Variants in ABR observed in about 807,000 individuals in gnomAD.
ABR encodes ABR activator of RhoGEF and GTPase.
A neutral mutation model predicts 107.2 loss-of-function variants in ABR; 35 were observed. That is an observed-to-expected ratio of 0.33 (90% CI 0.25 to 0.43). The LOEUF is 0.43. ABR is among the 20% of genes least tolerant of loss of function. ABR has a pLI of 1.00. For missense variants in ABR, 815 were observed against 1,115.2 expected (o/e 0.73, Z 3.83); for synonymous variants, 498 against 462.0 (o/e 1.08, Z -1.00).
intron 3 of ABR, among the ~76,000 whole-genome samples, chr17:1,097,332 T>C (rs1036515990): frequency 2.0e-5 from 3 of 152,186 alleles, no homozygotes; most frequent in African/African-American, 7.2e-5. Flanking sequence ...GGCTCACATC[T>C]GTAATCCCAG....
intron 16 of ABR, among the ~76,000 whole-genome samples, chr17:1,038,932 C>T (rs1427369797): frequency 6.6e-6 from 1 of 152,228 alleles, no homozygotes; most frequent in African/African-American, 2.4e-5. Context: ...GGGAGGTTAG[C>T]GGCTCACGGG....
chr17:1,094,530 C>A (rs975303078), intron 3 of ABR, among the ~76,000 whole-genome samples: 1 of 152,084 alleles, frequency 6.6e-6, no homozygotes, highest in African/African-American at 2.4e-5. Flanking sequence ...ACCACCCCGC[C>A]CAGCTAGTTT....
chr17:1,111,950 C>CT lies in ABR; in HGVS notation c.247-11216dup, dbSNP rs567032480. Among the ~76,000 whole-genome samples, 101 of 152,364 alleles carry CT rather than the reference C, an allele frequency of 6.6e-4. No homozygotes were observed. The Middle Eastern group carries it at 0.024, about 36-fold the overall frequency. The stretch of plus-strand genomic sequence containing the variant: ...AGGACCCTTCCTCCTTCTGAAACAG[C>CT]TTCCCCTTCCGGGTTTCCACTTCTG... On this transcript the variant is annotated intron_variant, in intron 2 of 22. Coordinates refer to ENST00000302538, the MANE Select transcript of ABR (RefSeq NM_021962.5).
intron 16 of ABR, among the ~76,000 whole-genome samples, chr17:1,029,847 G>A (rs952330373): frequency 2.7e-5 from 4 of 149,846 alleles, no homozygotes; most frequent in Admixed American, 6.7e-5. Flanking sequence ...TGTGGCAGAC[G>A]TCCCTCCGTC....
chr17:1,212,437 GA>G (rs145737401), intron 1 of ABR, among the ~76,000 whole-genome samples: 3 of 148,626 alleles, frequency 2.0e-5, no homozygotes, highest in East Asian at 2.0e-4. Flanking sequence ...TCTCAAAAGA[GA>G]AAAAAAAACA....
rs963220554 is a variant in ABR, at chr17:1,010,315, C to T, written c.2236+414G>A. 9 of 230,056 alleles carry T rather than the reference C, an allele frequency of 3.9e-5. No individual in the cohort carries two copies. Among genetic ancestry groups the T allele is most frequent in the African/African-American group, 1.6e-4 (7 of 44,614 alleles). The allele number at this position is 230,056 out of a possible 1,614,324, so 14.3% of individuals were successfully genotyped here. A position where few individuals can be genotyped will look rare whatever the true frequency, so the allele number is the denominator to read the frequency against. ...TGGCCGGGGCCCTCCGCAGAGGTGA[C>T]GGGACGGTGTGTGGTCCCGCTGGAA... On this transcript the variant is annotated intron_variant, in intron 20 of 22. Coordinates refer to ENST00000302538, the MANE Select transcript of ABR (RefSeq NM_021962.5). This position sits in a 1 kb window ranked among gnomAD's most constrained non-coding sequence, Gnocchi z 4.1.
intron 1 of ABR, among the ~76,000 whole-genome samples, chr17:1,220,592 A>T (rs1192547674): frequency 6.6e-6 from 1 of 152,134 alleles, no homozygotes; most frequent in Non-Finnish European, 1.5e-5. Flanking sequence ...CCAGTTTCCA[A>T]AACAGCCAAA....
intron 1 of ABR, among the ~76,000 whole-genome samples, chr17:1,214,996 G>C (rs1053767298): frequency 6.6e-5 from 10 of 152,046 alleles, no homozygotes; most frequent in African/African-American, 2.4e-4. Context: ...GAGGCAGGCA[G>C]ATTGCTTGAG....
intron 21 of ABR, among the ~76,000 whole-genome samples, chr17:1,008,137 C>T (rs992290336): frequency 2.0e-5 from 3 of 152,242 alleles, no homozygotes; most frequent in Non-Finnish European, 4.4e-5. Flanking sequence ...GGATCCTCTC[C>T]TGCTTCTCTT....
At chr17:1,219,983 G>A (rs1378044279) in intron 1 of ABR, among the ~76,000 whole-genome samples, 1 of 151,290 alleles carries the variant, frequency 6.6e-6, no homozygotes, top group Non-Finnish European at 1.5e-5. Flanking sequence ...TTCCTTCCCA[G>A]CTCTGTGTCA....
Position 1,092,893 on chromosome 17 carries a change from C to T in ABR, c.346-1043G>A, listed in dbSNP as rs1260896555. On this transcript the variant is annotated intron_variant, in intron 3 of 22. Coordinates refer to ENST00000302538, the MANE Select transcript of ABR (RefSeq NM_021962.5). The surrounding 1 kb of genome is among the most constrained non-coding windows in gnomAD (Gnocchi z 4.6). ...TCGCCCAGGCTGGAGTGCAGTGGTGCGATCTCGGCTCCGCCTCCCGGGTTC... is the reference window on the plus strand; with the variant it reads ...TCGCCCAGGCTGGAGTGCAGTGGTGTGATCTCGGCTCCGCCTCCCGGGTTC... 5.7e-5 allele frequency among the ~76,000 whole-genome samples: 4 copies of T among 70,416 alleles called. No individual in the cohort carries two copies. Among genetic ancestry groups the T allele is most frequent in the African/African-American group, 9.9e-5 (2 of 20,124 alleles). 46.2% of individuals were successfully genotyped at this position (70,416 alleles called of 152,430 possible). A position where few individuals can be genotyped will look rare whatever the true frequency, so the allele number is the denominator to read the frequency against.
intron 2 of ABR, among the ~76,000 whole-genome samples, chr17:1,110,135 G>A (rs932412151): frequency 2.0e-5 from 3 of 150,970 alleles, no homozygotes; most frequent in Non-Finnish European, 3.0e-5. Flanking sequence ...CACCATCTCC[G>A]GCCCTGCCCA....
chr17:1,189,862 C>A (rs1289776671), upstream of ABR, among the ~76,000 whole-genome samples: 2 of 152,128 alleles, frequency 1.3e-5, no homozygotes, highest in African/African-American at 2.4e-5. Flanking sequence ...TTCACTGTAA[C>A]CCCAGGACCT....
At position 1,005,430 on chromosome 17, in the gene ABR, A is replaced by C. The variant is rs536761229; in HGVS notation, c.*650T>G. Reference sequence around the variant, plus strand: ...AACATTTGCACAGGCAGCAAGGCAAAGCAGGTGTGCTCCCAAAGGCGGAGT... The same window carrying C: ...AACATTTGCACAGGCAGCAAGGCAACGCAGGTGTGCTCCCAAAGGCGGAGT... On this transcript the variant is annotated 3_prime_UTR_variant, in exon 23 of 23. Coordinates refer to ENST00000302538, the MANE Select transcript of ABR (RefSeq NM_021962.5). 2.1e-5 allele frequency: 7 copies of C among 335,910 alleles called. No homozygotes were observed. Among genetic ancestry groups the C allele is most frequent in the Admixed American group, 4.8e-5 (1 of 20,660 alleles). The allele number at this position is 335,910 out of a possible 1,614,324, so 20.8% of individuals were successfully genotyped here.
intron 5 of ABR, among the ~76,000 whole-genome samples, chr17:1,082,929 G>A (rs1171141511): frequency 6.6e-6 from 1 of 152,020 alleles, no homozygotes; most frequent in Non-Finnish European, 1.5e-5. Flanking sequence ...TTCGAGACCA[G>A]CCTGGCCAAC....
chr17:1,044,205 G>A (rs541809269), intron 16 of ABR, among the ~76,000 whole-genome samples: 1 of 151,952 alleles, frequency 6.6e-6, no homozygotes, highest in South Asian at 2.1e-4. Context: ...GTGGAGGGGG[G>A]GCTCCCAGCT....
chr17:1,088,416 C>G (rs953700572), intron 4 of ABR, among the ~76,000 whole-genome samples: 1 of 151,242 alleles, frequency 6.6e-6, no homozygotes, highest in Non-Finnish European at 1.5e-5. Flanking sequence ...GTGGCATTCC[C>G]TTGGAAGGAT....
chr17:1,095,640 G>A (rs553132489), intron 3 of ABR, among the ~76,000 whole-genome samples: 9 of 152,272 alleles, frequency 5.9e-5, no homozygotes, highest in East Asian at 1.9e-4. Context: ...TTCACCACTC[G>A]AGTTCTCGGA....
intron 1 of ABR, among the ~76,000 whole-genome samples, chr17:1,217,231 C>T (rs2043028004): frequency 1.3e-5 from 2 of 152,172 alleles, no homozygotes; most frequent in Non-Finnish European, 1.5e-5. Context: ...AGTGCGGCCG[C>T]CTCACCGTCC....
Sources: allele counts gnomAD v4.1 joint callset (sites outside exome capture counted in the v4.1 genomes callset), GRCh38; gene constraint gnomAD v4.1.1; non-coding constraint Gnocchi (gnomAD v3.1); transcripts MANE v1.5; gene names NCBI Gene and HGNC (gene_info 2026-07-23, HGNC 2026-07-21).